Variants in DNAJA1 observed in about 807,000 individuals in gnomAD.
The protein encoded by DNAJA1 is DnaJ heat shock protein family (Hsp40) member A1, also known as dnaJ homolog subfamily A member 1.
Under a neutral mutation model 47.6 loss-of-function variants are expected in DNAJA1, and 26 were observed. The ratio of observed to expected loss-of-function variants is 0.55; its 90% CI spans 0.40 to 0.76. The LOEUF is 0.76. DNAJA1 is among the 30% of genes least tolerant of loss of function. The probability of loss-of-function intolerance (pLI) is 0.00; values close to 1 mark genes in which losing one functional copy is unlikely to be tolerated. For missense variants in DNAJA1, 315 were observed against 485.0 expected (o/e 0.65, Z 3.29); for synonymous variants, 165 against 158.4 (o/e 1.04, Z -0.31).
rs144327341 is a variant in DNAJA1, at chr9:33,028,025, C to CAA, written c.310+1059_310+1060dup. ...GAGCAACACAGCGAGACTCTTGTCT[C>CAA]AAAAAAAAAAAAAAAAAAAAAAAAA... On this transcript the variant is annotated intron_variant, in intron 3 of 8. Coordinates refer to ENST00000330899, the MANE Select transcript of DNAJA1 (RefSeq NM_001539.4). Among the ~76,000 whole-genome samples, 578 of 77,434 alleles carry CAA rather than the reference C, an allele frequency of 7.5e-3. 4 individuals carry two copies. The highest frequency in any genetic ancestry group is 0.01 in the African/African-American group (222 of 21,926). 50.8% of individuals were successfully genotyped at this position (77,434 alleles called of 152,430 possible). A position where few individuals can be genotyped will look rare whatever the true frequency, so the allele number is the denominator to read the frequency against.
Position 33,039,213 on chromosome 9 carries a change from C to A in DNAJA1, c.*310C>A. 1 of 341,754 alleles carries A rather than the reference C, an allele frequency of 2.9e-6. No individual in the cohort carries two copies. Among genetic ancestry groups the A allele is most frequent in the Non-Finnish European group, 5.5e-6 (1 of 180,668 alleles). 21.2% of individuals were successfully genotyped at this position (341,754 alleles called of 1,614,324 possible). A position where few individuals can be genotyped will look rare whatever the true frequency, so the allele number is the denominator to read the frequency against. On this transcript the variant is annotated 3_prime_UTR_variant, in exon 9 of 9. Transcript: ENST00000330899. The stretch of plus-strand genomic sequence containing the variant: ...ACGTGGACAAGCTTAGACTGAAATG[C>A]TAGGTATATGTATTGGCTTCAGTGT...
At chr9:33,029,739 C>T in intron 3 of DNAJA1, 146 bp from the exon 4 acceptor site, 1 of 520,648 alleles carries the variant, frequency 1.9e-6, no homozygotes. Flanking sequence ...ATAACGTGAA[C>T]ATTCTGTGTA....
rs755505219 is a variant in DNAJA1 at position 33,038,964 on chromosome 9, CTG to C, written c.*63_*64del. On this transcript the variant is annotated 3_prime_UTR_variant, in exon 9 of 9. Transcript: ENST00000330899. The stretch of plus-strand genomic sequence containing the variant: ...TGTGCAGTAGTGAATGAGTGAAGGA[CTG>C]TAATCATAATATGCTCACTACTTGC... 4.9e-6 allele frequency: 7 copies of C among 1,425,220 alleles called. No homozygotes were observed. The African/African-American group carries it at 7.1e-5, about 14-fold the overall frequency. The allele number at this position is 1,425,220 out of a possible 1,614,324, so 88.3% of individuals were successfully genotyped here.
chr9:33,037,309 T>TA lies in DNAJA1; in HGVS notation c.975+201dup, dbSNP rs754159369. 1,528 of 308,370 alleles carry TA rather than the reference T, an allele frequency of 5.0e-3. 6 individuals carry two copies. The highest frequency in any genetic ancestry group is 0.015 in the African/African-American group (601 of 41,192). The allele number at this position is 308,370 out of a possible 1,614,324, so 19.1% of individuals were successfully genotyped here. A position where few individuals can be genotyped will look rare whatever the true frequency, so the allele number is the denominator to read the frequency against. ...GCAACATAGTGAAACCCTGTCTCTTTAAAAAAACAAAAAAAAAAAAAAATT... is the reference window on the plus strand; with the variant it reads ...GCAACATAGTGAAACCCTGTCTCTTTAAAAAAAACAAAAAAAAAAAAAAATT... On this transcript the variant is annotated intron_variant, in intron 8 of 8. Coordinates refer to ENST00000330899, the MANE Select transcript of DNAJA1 (RefSeq NM_001539.4).
intron 5 of DNAJA1, among the ~76,000 whole-genome samples, chr9:33,031,524 T>C (rs1838961905): frequency 6.6e-6 from 1 of 152,132 alleles, no homozygotes; most frequent in African/African-American, 2.4e-5. Flanking sequence ...CTCTGCCTCC[T>C]GGGTTCAAGC....
chr9:33,038,677 T>C lies in DNAJA1; in HGVS notation c.976-8T>C. 1 of 1,612,218 alleles carries C rather than the reference T, an allele frequency of 6.2e-7. No homozygotes were observed. Among genetic ancestry groups the C allele is most frequent in the Non-Finnish European group, 8.5e-7 (1 of 1,178,776 alleles). On this transcript the variant is annotated splice_polypyrimidine_tract_variant and splice_region_variant and intron_variant, in intron 8 of 8. Coordinates refer to ENST00000330899, the MANE Select transcript of DNAJA1 (RefSeq NM_001539.4). ...AATCAGATTGAACAGTGAAAGTTTC[T>C]TTTGAAGGTAAACTTTCCTGAGAAT...
chr9:33,028,266 G>C (rs866953944), intron 3 of DNAJA1, among the ~76,000 whole-genome samples: 1 of 152,212 alleles, frequency 6.6e-6, no homozygotes, highest in Middle Eastern at 3.4e-3. Flanking sequence ...ATCTATTCTT[G>C]TTTCAGCTTT....
chr9:33,035,866 C>T lies in DNAJA1; in HGVS notation c.759-708C>T, dbSNP rs191274342. ...TTAAATATGAAAGGCTGTGTTCACT[C>T]ACAATATGCCAGGAAATATTATTTC... is the stretch of plus-strand genomic sequence containing the variant. On this transcript the variant is annotated intron_variant, in intron 6 of 8. Transcript: ENST00000330899. 7.9e-5 allele frequency among the ~76,000 whole-genome samples: 12 copies of T among 152,314 alleles called. No individual in the cohort carries two copies. The Middle Eastern group carries it at 0.024, about 302-fold the overall frequency.
intron 8 of DNAJA1, among the ~76,000 whole-genome samples, chr9:33,038,049 A>G (rs1839062741): frequency 6.6e-6 from 1 of 151,320 alleles, no homozygotes; most frequent in African/African-American, 2.4e-5. Flanking sequence ...CTGTCACCCA[A>G]GGTGGAGTGC....
At chr9:33,032,225 T>C (rs1838972658) in intron 5 of DNAJA1, among the ~76,000 whole-genome samples, 1 of 152,284 alleles carries the variant, frequency 6.6e-6, no homozygotes, top group Non-Finnish European at 1.5e-5. Flanking sequence ...TACTGGCCTC[T>C]CTGACCCCCA....
chr9:33,025,806 C>CT (rs976822497), intron 1 of DNAJA1, among the ~76,000 whole-genome samples: 1 of 152,234 alleles, frequency 6.6e-6, no homozygotes, highest in Admixed American at 6.5e-5. Context: ...TTCGCTTTCT[C>CT]TGTTTCCCCT....
chr9:33,039,447 G>T lies in DNAJA1; in HGVS notation c.*544G>T, dbSNP rs1240475587. On this transcript the variant is annotated 3_prime_UTR_variant, in exon 9 of 9. Transcript: ENST00000330899. ...ATCCTGTGGTATCAGTGATAAAAATGATACCTTTCTGTAGGAGGGGTTTAT... is the reference window on the plus strand; with the variant it reads ...ATCCTGTGGTATCAGTGATAAAAATTATACCTTTCTGTAGGAGGGGTTTAT... The T allele has an allele frequency of 6.6e-6, 1 of 151,550 alleles. No homozygotes were observed. The highest frequency in any genetic ancestry group is 1.5e-5 in the Non-Finnish European group (1 of 67,914). The allele number at this position is 151,550 out of a possible 1,614,324, so 9.4% of individuals were successfully genotyped here. A position where few individuals can be genotyped will look rare whatever the true frequency, so the allele number is the denominator to read the frequency against.
chr9:33,033,182 G>A (rs1419830598), intron 5 of DNAJA1, among the ~76,000 whole-genome samples: 1 of 150,806 alleles, frequency 6.6e-6, no homozygotes, highest in Non-Finnish European at 1.5e-5. Context: ...AAAAAAAAAG[G>A]CGTGTTTTTT....
In DNAJA1 at chr9:33,039,536, CATATATATATACATAT is replaced by C. The variant is rs1245559024; in HGVS notation, c.*643_*658del. 4.4e-5 allele frequency: 5 copies of C among 113,978 alleles called. No individual in the cohort carries two copies. Among genetic ancestry groups the C allele is most frequent in the Admixed American group, 1.8e-4 (2 of 11,206 alleles). 7.1% of individuals were successfully genotyped at this position (113,978 alleles called of 1,614,324 possible). A position where few individuals can be genotyped will look rare whatever the true frequency, so the allele number is the denominator to read the frequency against. On this transcript the variant is annotated 3_prime_UTR_variant, in exon 9 of 9. Coordinates refer to ENST00000330899, the MANE Select transcript of DNAJA1 (RefSeq NM_001539.4). ...TTGTGTTTCCTTCTGCTGTGCCATTCATATATATATACATATATATATATAATCTTGACCAGTCCTG... is the reference window on the plus strand; with the variant it reads ...TTGTGTTTCCTTCTGCTGTGCCATTCATATATATAATCTTGACCAGTCCTG...
chr9:33,031,386 C>T (rs373837333), intron 5 of DNAJA1, among the ~76,000 whole-genome samples: 15 of 152,204 alleles, frequency 9.9e-5, no homozygotes, highest in African/African-American at 2.6e-4. Context: ...CATGAGCTAC[C>T]GCACCCCGCC....
intron 3 of DNAJA1, among the ~76,000 whole-genome samples, chr9:33,027,694 T>C (rs1278237781): frequency 6.6e-6 from 1 of 151,814 alleles, no homozygotes; most frequent in Admixed American, 6.6e-5. Context: ...TCTACAAAAC[T>C]ACAGAATTAG....
chr9:33,036,820 G>A (rs919257613), intron 7 of DNAJA1, 131 bp downstream of exon 7: 54 of 794,332 alleles, frequency 6.8e-5, no homozygotes, highest in Non-Finnish European at 1.0e-4. Flanking sequence ...ATCCTTCTCT[G>A]GGCTTAGATG....
intron 5 of DNAJA1, among the ~76,000 whole-genome samples, chr9:33,033,341 C>T (rs1838989320): frequency 6.6e-6 from 1 of 151,964 alleles, no homozygotes; most frequent in South Asian, 2.1e-4. Context: ...CTCAGGGTAT[C>T]CTCCTGACTC....
chr9:33,029,993 C>A lies in DNAJA1; in HGVS notation c.415+4C>A. ...GTGATTTGTGACAAATGTGAAGGTA[C>A]GGTGTTTTTTTGTTTTGTTTTGTTT... On this transcript the variant is annotated splice_donor_region_variant and intron_variant, in intron 4 of 8. Coordinates refer to ENST00000330899, the MANE Select transcript of DNAJA1 (RefSeq NM_001539.4). The A allele has an allele frequency of 1.9e-6, 3 of 1,608,936 alleles. No homozygotes were observed. The highest frequency in any genetic ancestry group is 2.5e-6 in the Non-Finnish European group (3 of 1,178,522).
Sources: gnomAD v4.1 joint callset for allele counts (sites outside exome capture counted in the v4.1 genomes callset) on GRCh38, gnomAD v4.1.1 for gene constraint, MANE v1.5 for transcripts, NCBI Gene and HGNC (gene_info 2026-07-23, HGNC 2026-07-21) for gene names.